Variants in SGMS1 observed in about 807,000 individuals in gnomAD.
The protein encoded by SGMS1 is phosphatidylcholine:ceramide cholinephosphotransferase 1.
SGMS1 carries 13 observed loss-of-function variants against 46.2 expected under a neutral mutation model. The ratio of observed to expected loss-of-function variants is 0.28; its 90% confidence interval spans 0.18 to 0.45. The LOEUF (loss-of-function observed/expected upper bound fraction) is 0.45. SGMS1 is among the 20% of genes least tolerant of loss of function. The pLI is 1.00. For missense variants in SGMS1, 324 were observed against 519.9 expected, an observed-to-expected ratio of 0.62 and a Z score of 3.66; for synonymous variants, 203 against 187.8, an observed-to-expected ratio of 1.08 and a Z score of -0.66.
rs533136291 is a variant in SGMS1, at chr10:50,602,716, G to T, written c.-683-12469C>A. 2.6e-5 allele frequency among the ~76,000 whole-genome samples: 4 copies of T among 152,266 alleles called. No individual in the cohort carries two copies. The South Asian group carries it at 8.3e-4, about 32-fold the overall frequency. ...AAAAAGTTAACATTTGATAAAACTG[G>T]AAGCTGGATATATATGCATTTATTG... On this transcript the variant is annotated intron_variant, in intron 1 of 10. Transcript: ENST00000361781.
At chr10:50,477,810 T>G (rs1837441161) in intron 3 of SGMS1, among the ~76,000 whole-genome samples, 1 of 152,182 alleles carries the variant, frequency 6.6e-6, no homozygotes, top group African/African-American at 2.4e-5. Flanking sequence ...TGTGAAGATG[T>G]GCCTGATCCC....
At chr10:50,396,478 G>A (rs1476110706) in intron 6 of SGMS1, among the ~76,000 whole-genome samples, 1 of 152,138 alleles carries the variant, frequency 6.6e-6, no homozygotes, top group Non-Finnish European at 1.5e-5. Flanking sequence ...CGTGGAAGGG[G>A]GGATATTTTG....
chr10:50,624,252 C>T (rs1588896693), upstream of SGMS1: 1 of 438,850 alleles, frequency 2.3e-6, no homozygotes, highest in South Asian at 9.5e-5. Flanking sequence ...CGGTAAATCC[C>T]TTGGGGCAGG....
upstream of SGMS1, chr10:50,624,196 GC>G: frequency 2.3e-6 from 2 of 870,280 alleles, no homozygotes; most frequent in Non-Finnish European, 1.4e-6. Context: ...GTTTTTAGGG[GC>G]CCACTAAGTA....
chr10:50,432,418 TC>T (rs1849415310), intron 6 of SGMS1, among the ~76,000 whole-genome samples: 1 of 152,170 alleles, frequency 6.6e-6, no homozygotes, highest in African/African-American at 2.4e-5. Context: ...ACATAAGACT[TC>T]CCAGCCTCGC....
At chr10:50,430,771 T>C (rs1388438695) in intron 6 of SGMS1, among the ~76,000 whole-genome samples, 1 of 152,174 alleles carries the variant, frequency 6.6e-6, no homozygotes, top group Non-Finnish European at 1.5e-5. Flanking sequence ...CACATTCAGT[T>C]TGAAATTATA....
At chr10:50,484,556 A>T (rs1280208805) in intron 3 of SGMS1, among the ~76,000 whole-genome samples, 2 of 152,200 alleles carry the variant, frequency 1.3e-5, no homozygotes, top group African/African-American at 4.8e-5. Flanking sequence ...TGAGGCCAGC[A>T]TCATCTTGAT....
rs1273896725 is a variant in SGMS1 at position 50,562,372 on chromosome 10, ACACACT to A, written c.-589+27775_-589+27780del. On this transcript the variant is annotated intron_variant, in intron 2 of 10. Transcript: ENST00000361781. ...TGTGTGTGTGCGCGCGCGCACACAC[ACACACT>A]CACACACGGGCGCGCATGCGCACTC... 2.4e-4 allele frequency among the ~76,000 whole-genome samples: 36 copies of A among 151,030 alleles called. 2 individuals carry two copies. Among genetic ancestry groups the A allele is most frequent in the Admixed American group, 1.3e-4 (2 of 15,144 alleles).
intron 6 of SGMS1, among the ~76,000 whole-genome samples, chr10:50,385,290 A>G (rs962515208): frequency 5.3e-5 from 8 of 152,184 alleles, no homozygotes; most frequent in African/African-American, 1.9e-4. Flanking sequence ...AGGTCCTAGA[A>G]AACAGTAGGT....
At chr10:50,453,485 T>A (rs914913601) in intron 5 of SGMS1, among the ~76,000 whole-genome samples, 2 of 150,868 alleles carry the variant, frequency 1.3e-5, no homozygotes, top group Non-Finnish European at 3.0e-5. Flanking sequence ...AAACAGCAGA[T>A]TAGAAATAGC....
chr10:50,537,174 C>G (rs917761791), intron 2 of SGMS1, among the ~76,000 whole-genome samples: 2 of 152,152 alleles, frequency 1.3e-5, no homozygotes, highest in African/African-American at 4.8e-5. Context: ...ATCCCAGGAC[C>G]CTCTACTGAT....
Position 50,600,566 on chromosome 10 carries a change from C to A in SGMS1, c.-683-10319G>T, listed in dbSNP as rs138891537. On this transcript the variant is annotated intron_variant, in intron 1 of 10. Transcript: ENST00000361781. ...ATCCCAGCTGCCTCTTTCAAGTCAA[C>A]CATATGCTTCTCTCCCATCAACAGC... 2.0e-5 allele frequency among the ~76,000 whole-genome samples: 3 copies of A among 152,326 alleles called. No homozygotes were observed. In the East Asian group the frequency reaches 5.8e-4, roughly 29 times the overall value.
chr10:50,436,230 G>A (rs566083573), intron 5 of SGMS1, among the ~76,000 whole-genome samples: 102 of 152,066 alleles, frequency 6.7e-4, no homozygotes, highest in African/African-American at 2.2e-3. Context: ...TCAACCTCCC[G>A]AGTAGCTGGG....
At chr10:50,412,986 C>G (rs1464929412) in intron 6 of SGMS1, among the ~76,000 whole-genome samples, 1 of 152,008 alleles carries the variant, frequency 6.6e-6, no homozygotes, top group Non-Finnish European at 1.5e-5. Flanking sequence ...AACAGGAGCC[C>G]TTTTATTTTT....
intron 8 of SGMS1, 134 bp downstream of exon 8, chr10:50,327,071 T>G: frequency 1.8e-6 from 1 of 565,404 alleles, no homozygotes; most frequent in Non-Finnish European, 3.2e-6. Flanking sequence ...GGCCATATCA[T>G]TTAGTAACAT....
intron 2 of SGMS1, among the ~76,000 whole-genome samples, chr10:50,568,563 G>A (rs773159908): frequency 3.3e-5 from 5 of 152,116 alleles, no homozygotes; most frequent in Non-Finnish European, 5.9e-5. Context: ...GACTGAAGGC[G>A]GTGCTGTGGC....
intron 7 of SGMS1, chr10:50,343,032 C>G (rs539861756): frequency 2.6e-5 from 4 of 154,734 alleles, no homozygotes; most frequent in African/African-American, 9.6e-5. Flanking sequence ...GTTCTGAATT[C>G]TGTGTGAAAC....
intron 3 of SGMS1, among the ~76,000 whole-genome samples, chr10:50,488,561 A>G (rs1051803269): frequency 7.9e-5 from 12 of 152,230 alleles, no homozygotes; most frequent in African/African-American, 2.9e-4. Flanking sequence ...ACATAACATC[A>G]GTATAGGTGT....
intron 2 of SGMS1, among the ~76,000 whole-genome samples, chr10:50,541,584 C>A (rs1328907145): frequency 6.6e-6 from 1 of 152,158 alleles, no homozygotes; most frequent in Non-Finnish European, 1.5e-5. Flanking sequence ...GGTCATCTTG[C>A]CATACTCAAA....
Sources: gnomAD v4.1 joint callset for allele counts (sites outside exome capture counted in the v4.1 genomes callset) on GRCh38, gnomAD v4.1.1 for gene constraint, MANE v1.5 for transcripts, NCBI Gene and HGNC (gene_info 2026-07-23, HGNC 2026-07-21) for gene names.